POC1B: variants seen among roughly 807,000 people sequenced by gnomAD.
POC1B encodes POC1 centriolar protein homolog B.
In POC1B, 44 loss-of-function variants were observed where a neutral mutation model predicts 60.6. The ratio of observed to expected loss-of-function variants is 0.73; its 90% CI spans 0.57 to 0.93. The LOEUF (loss-of-function observed/expected upper bound fraction) is 0.93. Among genes scored for constraint, POC1B ranks in the 40% least tolerant of loss-of-function variants. POC1B has a pLI of 0.00. For synonymous variants in POC1B, 180 were observed against 198.9 expected, an observed-to-expected ratio of 0.90 and a Z score of 0.80; for missense variants, 555 against 572.3, an observed-to-expected ratio of 0.97 and a Z score of 0.31.
intron 2 of POC1B, chr12:89,500,881 A>G: frequency 9.4e-7 from 1 of 1,061,760 alleles, no homozygotes; most frequent in Non-Finnish European, 1.4e-6. Context: ...CAAGCTAAAA[A>G]AAGTTTTTCA....
intron 10 of POC1B, among the ~76,000 whole-genome samples, chr12:89,437,668 A>G (rs1424911410): frequency 6.8e-6 from 1 of 147,176 alleles, no homozygotes; most frequent in African/African-American, 2.5e-5. Context: ...ATTTAGGCCC[A>G]TATCATTATT....
chr12:89,489,201 A>G (rs1307790819), intron 4 of POC1B, among the ~76,000 whole-genome samples: 3 of 152,170 alleles, frequency 2.0e-5, no homozygotes, highest in African/African-American at 7.2e-5. Context: ...TGTGAGGTGC[A>G]CCGTTCTAAG....
rs368817147 is a variant in POC1B at position 89,467,574 on chromosome 12, T to C, written c.879+43A>G. ...ACTCTTAGCTGAGGTCAAGGATTCC[T>C]TTACCTTAACCAAATCAAAGAGGAG... On this transcript the variant is annotated intron_variant, in intron 8 of 11. Transcript: ENST00000313546. The C allele has an allele frequency of 3.3e-6, 5 of 1,525,288 alleles. No individual in the cohort carries two copies. The Admixed American group carries it at 8.6e-5, about 26-fold the overall frequency. 94.5% of individuals were successfully genotyped at this position (1,525,288 alleles called of 1,614,324 possible).
rs1310295508 is a variant in POC1B at position 89,420,936 on chromosome 12, T to C, written c.*217A>G. ...ACTTTATTACTGCAATCATAAATGATAGTAATTTAAATTAGTCCTTCACAT... is the reference window on the plus strand; with the variant it reads ...ACTTTATTACTGCAATCATAAATGACAGTAATTTAAATTAGTCCTTCACAT... On this transcript the variant is annotated 3_prime_UTR_variant, in exon 12 of 12. Coordinates refer to ENST00000313546, the MANE Select transcript of POC1B (RefSeq NM_172240.3). 2.9e-5 allele frequency: 12 copies of C among 416,574 alleles called. No homozygotes were observed. Among genetic ancestry groups the C allele is most frequent in the Admixed American group, 1.2e-4 (3 of 25,876 alleles). 25.8% of individuals were successfully genotyped at this position (416,574 alleles called of 1,614,324 possible).
chr12:89,430,461 C>T (rs1880983426), intron 10 of POC1B, among the ~76,000 whole-genome samples: 1 of 152,130 alleles, frequency 6.6e-6, no homozygotes, highest in Non-Finnish European at 1.5e-5. Flanking sequence ...TAACCATGGT[C>T]CACACATCTA....
chr12:89,476,767 C>A (rs79293585), intron 4 of POC1B, among the ~76,000 whole-genome samples: 1 of 122,730 alleles, frequency 8.1e-6, no homozygotes, highest in Non-Finnish European at 1.8e-5. Flanking sequence ...GATAGACAGA[C>A]AGACAGACAG....
At chr12:89,525,470 G>A (rs1871376907) in intron 1 of POC1B, 1 of 1,340,770 alleles carries the variant, frequency 7.5e-7, no homozygotes, top group Non-Finnish European at 9.5e-7. Flanking sequence ...CAGGAACCGC[G>A]GCCCCTTTGA....
intron 10 of POC1B, among the ~76,000 whole-genome samples, chr12:89,452,244 G>A (rs1882074524): frequency 6.6e-6 from 1 of 152,070 alleles, no homozygotes; most frequent in Admixed American, 6.6e-5. Context: ...GTAGTCCGGG[G>A]CGTCACAGTT....
chr12:89,498,815 G>A (rs1215441743), intron 2 of POC1B, among the ~76,000 whole-genome samples: 4 of 152,070 alleles, frequency 2.6e-5, no homozygotes, highest in Non-Finnish European at 5.9e-5. Flanking sequence ...TGTGTATCAT[G>A]CTGCAAACGA....
chr12:89,404,681 T>C, the POC1B span, among the ~76,000 whole-genome samples: 2 of 152,178 alleles, frequency 1.3e-5, no homozygotes, highest in East Asian at 3.8e-4. Context: ...CCAACTAACT[T>C]GACTGTCAGC....
the POC1B span, among the ~76,000 whole-genome samples, chr12:89,403,254 G>A: frequency 6.6e-5 from 10 of 152,266 alleles, no homozygotes; most frequent in East Asian, 1.4e-3. Flanking sequence ...GTGTCTGCTC[G>A]CCTTGGCCTC....
intron 2 of POC1B, among the ~76,000 whole-genome samples, chr12:89,506,527 A>G (rs1273244916): frequency 2.0e-5 from 3 of 152,194 alleles, no homozygotes; most frequent in Non-Finnish European, 2.9e-5. Context: ...GCCACAAACG[A>G]AGTAGGAGAG....
chr12:89,524,600 G>A, intron 2 of POC1B: 5 of 1,591,338 alleles, frequency 3.1e-6, no homozygotes, highest in Non-Finnish European at 4.3e-6. Flanking sequence ...CACCACGCAG[G>A]GGAAGGGCGG....
At chr12:89,460,218 A>G (rs1490432442) in intron 9 of POC1B, among the ~76,000 whole-genome samples, 1 of 152,042 alleles carries the variant, frequency 6.6e-6, no homozygotes, top group African/African-American at 2.4e-5. Context: ...ATTCTAGCAC[A>G]CAGTTAGAAA....
chr12:89,409,075 G>C, the POC1B span, among the ~76,000 whole-genome samples: 2 of 152,158 alleles, frequency 1.3e-5, no homozygotes, highest in African/African-American at 4.8e-5. Flanking sequence ...TAGGTTGCCT[G>C]TTCACTCTGA....
the POC1B span, among the ~76,000 whole-genome samples, chr12:89,412,975 T>C: frequency 6.7e-6 from 1 of 149,300 alleles, no homozygotes; most frequent in African/African-American, 2.5e-5. Flanking sequence ...ATCGGCTCAC[T>C]GCAGCCTCCG....
At chr12:89,483,953 G>T (rs554852129) in intron 4 of POC1B, among the ~76,000 whole-genome samples, 86 of 152,326 alleles carry the variant, frequency 5.6e-4, no homozygotes, top group African/African-American at 1.9e-3. Flanking sequence ...AAGAAAATTG[G>T]CTGCTTAACA....
At chr12:89,511,054 A>C (rs2048871284) in intron 2 of POC1B, among the ~76,000 whole-genome samples, 1 of 152,058 alleles carries the variant, frequency 6.6e-6, no homozygotes, top group East Asian at 1.9e-4. Flanking sequence ...ATGCCTGGCC[A>C]AACAGTACAT....
At chr12:89,413,261 A>G in the POC1B span, among the ~76,000 whole-genome samples, 3 of 152,244 alleles carry the variant, frequency 2.0e-5, no homozygotes, top group Non-Finnish European at 4.4e-5. Context: ...GCTGGAGTGC[A>G]CTGGTGCAAT....
Sources: gnomAD v4.1 joint callset for allele counts (sites outside exome capture counted in the v4.1 genomes callset) on GRCh38, gnomAD v4.1.1 for gene constraint, MANE v1.5 for transcripts, NCBI Gene and HGNC (gene_info 2026-07-23, HGNC 2026-07-21) for gene names.